ZFHX4: variants seen among roughly 807,000 people sequenced by gnomAD.
ZFHX4 encodes zinc finger homeobox protein 4.
A neutral mutation model predicts 267.6 loss-of-function variants in ZFHX4; 56 were observed. The ratio of observed to expected loss-of-function variants is 0.21; its 90% CI spans 0.17 to 0.26. ZFHX4 has a LOEUF of 0.26. ZFHX4 is among the 10% of genes least tolerant of loss of function. The pLI is 1.00. For synonymous variants in ZFHX4, 1,778 were observed against 1,665.6 expected, an observed-to-expected ratio of 1.07 and a Z score of -1.64; for missense variants, 4,332 against 4,420.0, an observed-to-expected ratio of 0.98 and a Z score of 0.56.
chr8:76,850,955 A>G lies in ZFHX4; in HGVS notation c.4034A>G (p.Asn1345Ser). ...EDSKANVEVK[N>S]EEQKPTKEPL... ...TCAAAGGCTAATGTGGAAGTAAAGA[A>G]TGAGGAGCAGAAACCGACTAAAGAA... The change falls in exon 10 of 11, where the codon AAT (asparagine) becomes AGT (serine). Residue 1345 changes from asparagine to serine, a missense_variant. Transcript: ENST00000651372. 1.2e-6 allele frequency: 2 copies of G among 1,613,692 alleles called. No homozygotes were observed. Among genetic ancestry groups the G allele is most frequent in the Non-Finnish European group, 1.7e-6 (2 of 1,179,746 alleles).
intron 3 of ZFHX4, among the ~76,000 whole-genome samples, chr8:76,732,627 T>C (rs1002568307): frequency 2.6e-5 from 4 of 152,188 alleles, no homozygotes; most frequent in African/African-American, 9.7e-5. Context: ...CCTTAGTTGA[T>C]TTCCATTGAT....
At chr8:76,828,052 C>T (rs974551997) in intron 4 of ZFHX4, among the ~76,000 whole-genome samples, 2 of 152,078 alleles carry the variant, frequency 1.3e-5, no homozygotes, top group African/African-American at 2.4e-5. Context: ...TCTTTGTATC[C>T]GCATAGGAAA....
intron 4 of ZFHX4, among the ~76,000 whole-genome samples, chr8:76,782,812 C>A (rs1810585387): frequency 1.3e-5 from 2 of 152,110 alleles, no homozygotes; most frequent in South Asian, 2.1e-4. Flanking sequence ...GAATATGCCT[C>A]TCTCATAATC....
rs1330645725 is a variant in ZFHX4 at position 76,866,881 on chromosome 8, A to G, written c.*2316A>G. ...GGACAGCCTCCAAAGGTTGAGAATG[A>G]GAATTGTTTTTTCCTGGATATCAAA... is the stretch of plus-strand genomic sequence containing the variant. On this transcript the variant is annotated 3_prime_UTR_variant, in exon 11 of 11. Coordinates refer to ENST00000651372, the MANE Select transcript of ZFHX4 (RefSeq NM_024721.5). 6.6e-6 allele frequency: 1 copy of G among 152,576 alleles called. No individual in the cohort carries two copies. The highest frequency in any genetic ancestry group is 2.4e-5 in the African/African-American group (1 of 41,434). 9.5% of individuals were successfully genotyped at this position (152,576 alleles called of 1,614,324 possible). A position where few individuals can be genotyped will look rare whatever the true frequency, so the allele number is the denominator to read the frequency against.
intron 1 of ZFHX4, among the ~76,000 whole-genome samples, chr8:76,682,262 C>A (rs1307028461): frequency 2.0e-5 from 3 of 152,178 alleles, no homozygotes; most frequent in African/African-American, 7.2e-5. Context: ...CCTTATTCAG[C>A]CTCGTTTTTC....
chr8:76,692,790 G>T (rs1396324623), intron 1 of ZFHX4, among the ~76,000 whole-genome samples: 1 of 151,892 alleles, frequency 6.6e-6, no homozygotes, highest in Non-Finnish European at 1.5e-5. Flanking sequence ...AAATCTAAGT[G>T]CATTTGGATT....
At chr8:76,735,605 C>G (rs1809138095) in intron 3 of ZFHX4, among the ~76,000 whole-genome samples, 1 of 152,028 alleles carries the variant, frequency 6.6e-6, no homozygotes, top group Non-Finnish European at 1.5e-5. Flanking sequence ...AACACAATTT[C>G]TGTTTCTGTG....
At chr8:76,772,556 A>G (rs1810291542) in intron 3 of ZFHX4, among the ~76,000 whole-genome samples, 1 of 152,088 alleles carries the variant, frequency 6.6e-6, no homozygotes, top group African/African-American at 2.4e-5. Flanking sequence ...CAGGAGTCAT[A>G]TTTTGACTGT....
At position 76,707,646 on chromosome 8, in the gene ZFHX4, T is replaced by A; in HGVS notation, c.2691T>A (p.Ser897Arg). 1 of 1,613,938 alleles carries A rather than the reference T, an allele frequency of 6.2e-7. No individual in the cohort carries two copies. Among genetic ancestry groups the A allele is most frequent in the Non-Finnish European group, 8.5e-7 (1 of 1,179,892 alleles). ...CAGGAGAGCTGTCACCTTATATCAG[T>A]GACCCAGCGCTGAAGCTATTCCAGT... is the stretch of plus-strand genomic sequence containing the variant. Reference protein sequence around the residue: ...LTAGELSPYISDPALKLFQCA... With the variant: ...LTAGELSPYIRDPALKLFQCA... The change falls in exon 3 of 11, where the codon AGT (serine) becomes AGA (arginine). Residue 897 changes from serine (S) to arginine (R), a missense_variant. Physicochemically the swap from Ser to Arg is moderately radical, Grantham distance 110. Around this residue, in one of 7 missense-constraint regions of ZFHX4, gnomAD observed 1,195 missense variants for 1,173.6 expected, o/e 1.02. Coordinates refer to ENST00000651372, the MANE Select transcript of ZFHX4 (RefSeq NM_024721.5).
At chr8:76,846,196 G>A (rs993400215) in intron 6 of ZFHX4, among the ~76,000 whole-genome samples, 6 of 151,960 alleles carry the variant, frequency 3.9e-5, no homozygotes, top group Admixed American at 6.6e-5. Flanking sequence ...AGGCATACAC[G>A]CATAGAATGT....
In ZFHX4 at chr8:76,739,557, G is replaced by T. The variant is rs1809260831; in HGVS notation, c.3093+31509G>T. Among the ~76,000 whole-genome samples, 6 of 152,220 alleles carry T rather than the reference G, an allele frequency of 3.9e-5. No homozygotes were observed. The South Asian group carries it at 1.2e-3, about 32-fold the overall frequency. On this transcript the variant is annotated intron_variant, in intron 3 of 10. Coordinates refer to ENST00000651372, the MANE Select transcript of ZFHX4 (RefSeq NM_024721.5). ...AGAGGACAAGCAATTCTTTCCATTA[G>T]AGTGATCAGGAAAGGCTTCATAAGA...
At chr8:76,729,639 C>A (rs1434582989) in intron 3 of ZFHX4, among the ~76,000 whole-genome samples, 1 of 152,078 alleles carries the variant, frequency 6.6e-6, no homozygotes, top group Non-Finnish European at 1.5e-5. Flanking sequence ...CTGGGATTTG[C>A]CCTTTTCTCT....
At chr8:76,686,190 T>G (rs1199007661) in intron 1 of ZFHX4, among the ~76,000 whole-genome samples, 1 of 152,206 alleles carries the variant, frequency 6.6e-6, no homozygotes, top group Non-Finnish European at 1.5e-5. Flanking sequence ...AAATGTTCCT[T>G]CCTAAAAAAC....
In ZFHX4 at chr8:76,723,793, C is replaced by T. The variant is rs1168398140; in HGVS notation, c.3093+15745C>T. ...TAGGTAATATAATTAGTATTTTTGA[C>T]GTGGAACATTTGTGTCGTCAGTACC... On this transcript the variant is annotated intron_variant, in intron 3 of 10. Coordinates refer to ENST00000651372, the MANE Select transcript of ZFHX4 (RefSeq NM_024721.5). Among the ~76,000 whole-genome samples, 5 of 151,962 alleles carry T rather than the reference C, an allele frequency of 3.3e-5. No individual in the cohort carries two copies. In the East Asian group the frequency reaches 5.8e-4, roughly 18 times the overall value.
At chr8:76,682,006 T>C (rs935664719) in intron 1 of ZFHX4, among the ~76,000 whole-genome samples, 2 of 152,174 alleles carry the variant, frequency 1.3e-5, no homozygotes. Context: ...TTTTCTCTCC[T>C]TTTCCCTGTC....
In ZFHX4 at chr8:76,864,780, T is replaced by C. The variant is rs1183222809; in HGVS notation, c.*215T>C. The C allele has an allele frequency of 2.9e-6, 1 of 348,184 alleles. No homozygotes were observed. Among genetic ancestry groups the C allele is most frequent in the African/African-American group, 2.1e-5 (1 of 47,334 alleles). 21.6% of individuals were successfully genotyped at this position (348,184 alleles called of 1,614,324 possible). On this transcript the variant is annotated 3_prime_UTR_variant, in exon 11 of 11. Transcript: ENST00000651372. The stretch of plus-strand genomic sequence containing the variant: ...GATGGTTGAATGCGCTTGTACTATA[T>C]GCTAAAATATGGAAAAGGAAAAAAA...
chr8:76,732,727 G>T (rs537506084), intron 3 of ZFHX4, among the ~76,000 whole-genome samples: 1 of 152,284 alleles, frequency 6.6e-6, no homozygotes, highest in Admixed American at 6.5e-5. Context: ...ATGGGCAAGG[G>T]CTTTTAAAAA....
At chr8:76,749,105 T>A (rs2131702291) in intron 3 of ZFHX4, among the ~76,000 whole-genome samples, 1 of 152,294 alleles carries the variant, frequency 6.6e-6, no homozygotes, top group Middle Eastern at 3.4e-3. Context: ...ATTCCAGCAA[T>A]CCAAGCTTTC....
chr8:76,863,615 C>T lies in ZFHX4; in HGVS notation c.9901C>T (p.Pro3301Ser). ...CATGGAGAGCCTCTTTCCTTATGGC[C>T]CTACAATGCCCCAGACACTGGCAGG... ...CGMESLFPYG[P>S]TMPQTLAGLS... Residue 3301 changes from proline to serine, a missense_variant, in exon 11 of 11, where the codon CCT (proline) becomes TCT (serine). By Grantham distance (74) the Pro-to-Ser change is moderately conservative (BLOSUM62 -1). Transcript: ENST00000651372. 1 of 1,613,464 alleles carries T rather than the reference C, an allele frequency of 6.2e-7. No homozygotes were observed. Among genetic ancestry groups the T allele is most frequent in the Non-Finnish European group, 8.5e-7 (1 of 1,179,754 alleles).
Sources: gnomAD v4.1 joint callset for allele counts (sites outside exome capture counted in the v4.1 genomes callset) on GRCh38, gnomAD v4.1.1 for gene constraint, gnomAD v4.1.1 regional missense constraint, MANE v1.5 for transcripts, NCBI Gene and HGNC (gene_info 2026-07-23, HGNC 2026-07-21) for gene names.